Variants in PRXL2C observed in about 807,000 individuals in gnomAD.
PRXL2C encodes peroxiredoxin like 2C.
Under a neutral mutation model 24.9 loss-of-function variants are expected in PRXL2C, and 38 were observed. The ratio of observed to expected loss-of-function variants is 1.53; its 90% CI spans 1.18 to 2.00. PRXL2C has a LOEUF of 2.00. Ranked by LOEUF, PRXL2C falls within the 30% of genes most tolerant of loss-of-function variation. The pLI is 0.00. For synonymous variants in PRXL2C, 98 were observed against 117.2 expected (o/e 0.84, Z 1.06); for missense variants, 294 against 290.9 (o/e 1.01, Z -0.08).
chr9:96,649,402 T>A (rs1848238623), intron 4 of PRXL2C, among the ~76,000 whole-genome samples: 1 of 139,686 alleles, frequency 7.2e-6, no homozygotes, highest in Admixed American at 6.7e-5. Context: ...CTATCTCTAC[T>A]AAAAATACAA....
At chr9:96,650,583 G>C (rs1054181895) in intron 4 of PRXL2C, among the ~76,000 whole-genome samples, 1 of 152,056 alleles carries the variant, frequency 6.6e-6, no homozygotes, top group African/African-American at 2.4e-5. Flanking sequence ...GAGTGATTCA[G>C]AGCCCCTTTC....
intron 4 of PRXL2C, among the ~76,000 whole-genome samples, chr9:96,646,773 T>A (rs1196681089): frequency 6.6e-6 from 1 of 151,972 alleles, no homozygotes; most frequent in Admixed American, 6.6e-5. Context: ...GGCATCCAAA[T>A]AGAAAAACCG....
chr9:96,655,288 G>T lies in PRXL2C; in HGVS notation c.-7C>A. Reference sequence around the variant, plus strand: ...CCGGGGCCGGCGCGGCCATGACGCGGGGCGGCCGAGGGCCTGGGTCCGCTC... The same window carrying T: ...CCGGGGCCGGCGCGGCCATGACGCGTGGCGGCCGAGGGCCTGGGTCCGCTC... On this transcript the variant is annotated 5_prime_UTR_variant, in exon 1 of 6. Transcript: ENST00000375234. 9.5e-7 allele frequency: 1 copy of T among 1,050,424 alleles called. No homozygotes were observed. The highest frequency in any genetic ancestry group is 1.1e-6 in the Non-Finnish European group (1 of 873,598). 65.1% of individuals were successfully genotyped at this position (1,050,424 alleles called of 1,614,324 possible). A position where few individuals can be genotyped will look rare whatever the true frequency, so the allele number is the denominator to read the frequency against.
chr9:96,651,802 T>C (rs967764443), intron 2 of PRXL2C, 90 bp from the exon 3 acceptor site: 4 of 1,103,180 alleles, frequency 3.6e-6, no homozygotes, highest in African/African-American at 3.1e-5. Flanking sequence ...TGTTTCATTC[T>C]AATGCCACCT....
chr9:96,647,171 A>G (rs1042720083), intron 4 of PRXL2C, among the ~76,000 whole-genome samples: 1 of 152,184 alleles, frequency 6.6e-6, no homozygotes, highest in Non-Finnish European at 1.5e-5. Context: ...CTGTGACAAC[A>G]GCCACTGCAG....
intron 4 of PRXL2C, among the ~76,000 whole-genome samples, chr9:96,648,988 G>A (rs1848231335): frequency 6.6e-6 from 1 of 151,974 alleles, no homozygotes; most frequent in South Asian, 2.1e-4. Context: ...GGTCAGGCTG[G>A]TCATGAACTC....
At chr9:96,648,107 T>C (rs1848219685) in intron 4 of PRXL2C, among the ~76,000 whole-genome samples, 1 of 152,084 alleles carries the variant, frequency 6.6e-6, no homozygotes, top group African/African-American at 2.4e-5. Flanking sequence ...CTGGCCATGT[T>C]GCCCAGGCTG....
intron 5 of PRXL2C, among the ~76,000 whole-genome samples, chr9:96,643,391 T>C (rs1211861203): frequency 1.3e-5 from 2 of 152,110 alleles, no homozygotes; most frequent in African/African-American, 2.4e-5. Context: ...GAACTACAGG[T>C]GCATGCCACC....
chr9:96,651,234 C>T (rs1441025024), intron 4 of PRXL2C, among the ~76,000 whole-genome samples, 156 bp downstream of exon 4: 2 of 152,160 alleles, frequency 1.3e-5, no homozygotes, highest in African/African-American at 2.4e-5. Context: ...GCCGAGATCA[C>T]ACCACTGCAC....
At chr9:96,646,095 T>C (rs1190551055) in intron 4 of PRXL2C, 71 bp from the exon 5 acceptor site, 1 of 1,432,610 alleles carries the variant, frequency 7.0e-7, no homozygotes, top group Admixed American at 2.3e-5. Flanking sequence ...AATGTATTTC[T>C]AGAAAACATT....
At position 96,641,564 on chromosome 9, in the gene PRXL2C, G is replaced by T; in HGVS notation, c.*195C>A. 1 of 396,820 alleles carries T rather than the reference G, an allele frequency of 2.5e-6. No homozygotes were observed. The allele number at this position is 396,820 out of a possible 1,614,324, so 24.6% of individuals were successfully genotyped here. A position where few individuals can be genotyped will look rare whatever the true frequency, so the allele number is the denominator to read the frequency against. Reference sequence around the variant, plus strand: ...ATAAAATGTTAAAAGTTATAAAATGGAAGTATATAACATATTTTGACAACT... The same window carrying T: ...ATAAAATGTTAAAAGTTATAAAATGTAAGTATATAACATATTTTGACAACT... On this transcript the variant is annotated 3_prime_UTR_variant, in exon 6 of 6. Transcript: ENST00000375234.
rs941454215 is a variant in PRXL2C at position 96,654,651 on chromosome 9, C to T, written c.261+54G>A. On this transcript the variant is annotated intron_variant, in intron 2 of 5. Coordinates refer to ENST00000375234, the MANE Select transcript of PRXL2C (RefSeq NM_153698.2). ...GCTGGAGCCGCGTCCTCCCCCGCCC[C>T]GCTCGCAAGGTCTGCAGAAGCGGGC... is the stretch of plus-strand genomic sequence containing the variant. 7.5e-5 allele frequency: 114 copies of T among 1,517,978 alleles called. 1 individual carries two copies. Among genetic ancestry groups the T allele is most frequent in the Non-Finnish European group, 9.4e-5 (105 of 1,119,578 alleles). 94.0% of individuals were successfully genotyped at this position (1,517,978 alleles called of 1,614,324 possible).
chr9:96,645,857 A>G (rs772810210), intron 5 of PRXL2C, 36 bp downstream of exon 5: 2 of 1,555,798 alleles, frequency 1.3e-6, no homozygotes, highest in Non-Finnish European at 1.7e-6. Context: ...AAAAAGCACA[A>G]GACGTCTACT....
intron 2 of PRXL2C, among the ~76,000 whole-genome samples, chr9:96,653,668 T>C (rs112230728): frequency 0.016 from 2,483 of 152,314 alleles, 65 homozygotes; most frequent in African/African-American, 0.055. Context: ...TAAATGCCTA[T>C]GAAAATATTA....
intron 2 of PRXL2C, among the ~76,000 whole-genome samples, chr9:96,653,085 G>C (rs1387145234): frequency 6.6e-6 from 1 of 152,126 alleles, no homozygotes; most frequent in Non-Finnish European, 1.5e-5. Context: ...AATTAGCCGG[G>C]CGTGGTGGCG....
At chr9:96,644,881 C>CTTTT (rs530343244) in intron 5 of PRXL2C, among the ~76,000 whole-genome samples, 695 of 36,720 alleles carry the variant, frequency 0.019, 213 homozygotes, top group Non-Finnish European at 0.033. Flanking sequence ...TACATGGATT[C>CTTTT]TTTTTTTTTT....
intron 4 of PRXL2C, among the ~76,000 whole-genome samples, chr9:96,646,858 T>C (rs1175619895): frequency 6.6e-6 from 1 of 152,170 alleles, no homozygotes; most frequent in African/African-American, 2.4e-5. Context: ...TGGCGCAATC[T>C]TGGCTCACTG....
At chr9:96,642,735 G>A (rs763688598) in intron 5 of PRXL2C, among the ~76,000 whole-genome samples, 23 of 151,840 alleles carry the variant, frequency 1.5e-4, no homozygotes, top group Admixed American at 2.6e-4. Context: ...GAGTAGAGAC[G>A]GGGTTTCACC....
In PRXL2C at chr9:96,655,085, C is replaced by T. The variant is rs1318376276; in HGVS notation, c.192+5G>A. The T allele has an allele frequency of 1.4e-6, 2 of 1,455,252 alleles. No individual in the cohort carries two copies. The highest frequency in any genetic ancestry group is 9.0e-7 in the Non-Finnish European group (1 of 1,109,942). 90.1% of individuals were successfully genotyped at this position (1,455,252 alleles called of 1,614,324 possible). A position where few individuals can be genotyped will look rare whatever the true frequency, so the allele number is the denominator to read the frequency against. The stretch of plus-strand genomic sequence containing the variant: ...GCTTCCCTTCCAGCCCCGCCGCCCG[C>T]TCACCCGCACGAACACCACCACGGC... On this transcript the variant is annotated splice_donor_5th_base_variant and intron_variant, in intron 1 of 5. Transcript: ENST00000375234.
Sources: gnomAD v4.1 joint callset for allele counts (sites outside exome capture counted in the v4.1 genomes callset) on GRCh38, gnomAD v4.1.1 for gene constraint, MANE v1.5 for transcripts, NCBI Gene and HGNC (gene_info 2026-07-23, HGNC 2026-07-21) for gene names.